The following ARHGEF38 variants were observed in gnomAD, a reference collection of about 807,000 sequenced individuals.
ARHGEF38 encodes the protein Rho guanine nucleotide exchange factor 38, also known as Rho guanine nucleotide exchange factor (GEF) 38.
A neutral mutation model predicts 79.9 loss-of-function variants in ARHGEF38; 79 were observed. The ratio of observed to expected loss-of-function variants is 0.99; its 90% CI spans 0.82 to 1.19. The LOEUF is 1.19. Ranked by LOEUF, ARHGEF38 falls within the 50% of genes most tolerant of loss-of-function variation. The probability of loss-of-function intolerance (pLI) is 0.00; values close to 1 mark genes in which losing one functional copy is unlikely to be tolerated. For missense variants in ARHGEF38, 962 were observed against 907.2 expected, an observed-to-expected ratio of 1.06 and a Z score of -0.78; for synonymous variants, 366 against 328.3, an observed-to-expected ratio of 1.11 and a Z score of -1.24.
Position 105,648,682 on chromosome 4 carries a change from G to C in ARHGEF38, c.1008G>C (p.Gln336His), listed in dbSNP as rs1267871500. Reference sequence around the variant, plus strand: ...AGATTCTGACCAGAGGAGAATCACAGGTAATTTTTCTTCTTGGACCACCCA... The same window carrying C: ...AGATTCTGACCAGAGGAGAATCACACGTAATTTTTCTTCTTGGACCACCCA... ...HLKILTRGES[Q>H]VKDNTFNREE... is the part of the protein sequence containing the mutation. Residue 336 changes from glutamine (Q) to histidine (H), a missense_variant and splice_region_variant, in exon 7 of 14, where the codon CAG (glutamine) becomes CAC (histidine). Coordinates refer to ENST00000420470, the MANE Select transcript of ARHGEF38 (RefSeq NM_001242729.2). The C allele has an allele frequency of 6.6e-7, 1 of 1,506,628 alleles. No homozygotes were observed. Among genetic ancestry groups the C allele is most frequent in the African/African-American group, 1.4e-5 (1 of 71,334 alleles). The allele number at this position is 1,506,628 out of a possible 1,614,324, so 93.3% of individuals were successfully genotyped here. A position where few individuals can be genotyped will look rare whatever the true frequency, so the allele number is the denominator to read the frequency against.
chr4:105,657,908 G>A (rs572178810), intron 9 of ARHGEF38, among the ~76,000 whole-genome samples: 71 of 152,170 alleles, frequency 4.7e-4, no homozygotes, highest in Non-Finnish European at 9.0e-4. Context: ...GATAGCTTTC[G>A]GGTTACAAAA....
chr4:105,619,017 T>C (rs1728628795), intron 3 of ARHGEF38, among the ~76,000 whole-genome samples: 1 of 152,200 alleles, frequency 6.6e-6, no homozygotes, highest in Admixed American at 6.5e-5. Context: ...AACTATGATT[T>C]ACAGAGAAAA....
rs144719220 is a variant in ARHGEF38, at chr4:105,627,649, G to A, written c.509-3249G>A. On this transcript the variant is annotated intron_variant, in intron 3 of 13. Transcript: ENST00000420470. The stretch of plus-strand genomic sequence containing the variant: ...GCACACTAGTTTTATTTATTTTACA[G>A]GATTCTGGTGCCTTTGTGACAGGCA... 3.3e-3 allele frequency among the ~76,000 whole-genome samples: 509 copies of A among 152,240 alleles called. 5 individuals carry two copies. Among genetic ancestry groups the A allele is most frequent in the Middle Eastern group, 0.014 (4 of 294 alleles).
intron 3 of ARHGEF38, among the ~76,000 whole-genome samples, chr4:105,619,775 C>T (rs1402944233): frequency 6.6e-6 from 1 of 152,138 alleles, no homozygotes; most frequent in Non-Finnish European, 1.5e-5. Context: ...CTGAGCCAAA[C>T]GTTGTAGACA....
chr4:105,610,311 T>G (rs750064315), intron 2 of ARHGEF38, among the ~76,000 whole-genome samples: 1 of 152,090 alleles, frequency 6.6e-6, no homozygotes, highest in Non-Finnish European at 1.5e-5. Flanking sequence ...GTTATGCACA[T>G]GTATCCCATT....
chr4:105,634,369 A>T (rs1479584492), intron 4 of ARHGEF38, among the ~76,000 whole-genome samples: 1 of 152,198 alleles, frequency 6.6e-6, no homozygotes, highest in African/African-American at 2.4e-5. Flanking sequence ...TATAGCCTAC[A>T]AATTGGAAAT....
chr4:105,647,644 T>C (rs1250864845), intron 6 of ARHGEF38, among the ~76,000 whole-genome samples: 1 of 152,164 alleles, frequency 6.6e-6, no homozygotes, highest in Non-Finnish European at 1.5e-5. Context: ...TCTACAAAAA[T>C]GTGTTGGTTT....
chr4:105,646,735 T>C (rs1158528820), intron 6 of ARHGEF38, among the ~76,000 whole-genome samples: 2 of 152,002 alleles, frequency 1.3e-5, no homozygotes, highest in African/African-American at 4.8e-5. Context: ...GTGGATAAAC[T>C]GCATATTATA....
intron 2 of ARHGEF38, among the ~76,000 whole-genome samples, chr4:105,592,097 T>C (rs1380032758): frequency 1.3e-5 from 2 of 152,326 alleles, no homozygotes; most frequent in Middle Eastern, 3.4e-3. Context: ...CCCTGTCAAC[T>C]CTTATTCTTT....
Position 105,641,725 on chromosome 4 carries a change from A to ATT in ARHGEF38, c.675-3455_675-3454dup, listed in dbSNP as rs70941205. On this transcript the variant is annotated intron_variant, in intron 5 of 13. Coordinates refer to ENST00000420470, the MANE Select transcript of ARHGEF38 (RefSeq NM_001242729.2). ...AGATGCGCTGCATGTTGAATATCTA[A>ATT]TTTTTTTTTGTTTTCCAGCATAATG... is the stretch of plus-strand genomic sequence containing the variant. Among the ~76,000 whole-genome samples the ATT allele has an allele frequency of 2.6e-4, 40 of 151,082 alleles. No individual in the cohort carries two copies. In the East Asian group the frequency reaches 5.6e-3, roughly 21 times the overall value.
chr4:105,560,840 T>A (rs1725483109), intron 1 of ARHGEF38, among the ~76,000 whole-genome samples: 1 of 152,170 alleles, frequency 6.6e-6, no homozygotes, highest in Non-Finnish European at 1.5e-5. Flanking sequence ...CTTCTTAATG[T>A]TAGGTCTCCA....
rs1247626005 is a variant in ARHGEF38 at position 105,589,501 on chromosome 4, AT to A, written c.384+68del. 10 of 1,402,928 alleles carry A rather than the reference AT, an allele frequency of 7.1e-6. No individual in the cohort carries two copies. The East Asian group carries it at 2.4e-4, about 33-fold the overall frequency. The allele number at this position is 1,402,928 out of a possible 1,614,324, so 86.9% of individuals were successfully genotyped here. A position where few individuals can be genotyped will look rare whatever the true frequency, so the allele number is the denominator to read the frequency against. On this transcript the variant is annotated intron_variant, in intron 2 of 13. Transcript: ENST00000420470. ...TAAATAGGATCACTAGCACCATGAA[AT>A]TGAAGCACTCAGGTGTATCAATGGG... is the stretch of plus-strand genomic sequence containing the variant.
At chr4:105,575,687 C>A (rs934875210) in intron 1 of ARHGEF38, among the ~76,000 whole-genome samples, 6 of 151,624 alleles carry the variant, frequency 4.0e-5, no homozygotes, top group Non-Finnish European at 8.8e-5. Flanking sequence ...GCTTTTTTTC[C>A]ATTTGCTTTT....
At chr4:105,581,856 A>T (rs1726805839) in intron 1 of ARHGEF38, among the ~76,000 whole-genome samples, 1 of 152,040 alleles carries the variant, frequency 6.6e-6, no homozygotes, top group African/African-American at 2.4e-5. Context: ...TGTGTGTTTT[A>T]GGATTTCTTA....
Position 105,654,078 on chromosome 4 carries a change from C to T in ARHGEF38, c.1022C>T (p.Thr341Ile). The T allele has an allele frequency of 6.7e-7, 1 of 1,495,226 alleles. No individual in the cohort carries two copies. The highest frequency in any genetic ancestry group is 8.9e-7 in the Non-Finnish European group (1 of 1,118,240). 92.6% of individuals were successfully genotyped at this position (1,495,226 alleles called of 1,614,324 possible). A position where few individuals can be genotyped will look rare whatever the true frequency, so the allele number is the denominator to read the frequency against. ...TRGESQVKDN[T>I]FNREEKLFRA... The stretch of plus-strand genomic sequence containing the variant: ...TATATATTTTAGGTTAAAGACAATA[C>T]CTTTAACAGAGAAGAAAAGCTGTTT... The change falls in exon 8 of 14, where the codon ACC becomes ATC. Residue 341 changes from threonine to isoleucine, a missense_variant. By Grantham distance (89) the Thr-to-Ile change is moderately conservative (BLOSUM62 -1). Coordinates refer to ENST00000420470, the MANE Select transcript of ARHGEF38 (RefSeq NM_001242729.2).
chr4:105,676,074 TA>T (rs1465292375), intron 13 of ARHGEF38, among the ~76,000 whole-genome samples: 6 of 152,230 alleles, frequency 3.9e-5, no homozygotes, highest in African/African-American at 1.4e-4. Flanking sequence ...CACCAAAAGT[TA>T]AATAACAGTT....
intron 3 of ARHGEF38, among the ~76,000 whole-genome samples, chr4:105,627,670 A>G (rs1729003548): frequency 6.6e-6 from 1 of 152,216 alleles, no homozygotes; most frequent in African/African-American, 2.4e-5. Context: ...CCTTTGTGAC[A>G]GGCAACCACA....
chr4:105,606,921 T>C (rs879474471), intron 2 of ARHGEF38, among the ~76,000 whole-genome samples: 3 of 152,162 alleles, frequency 2.0e-5, no homozygotes, highest in Admixed American at 2.0e-4. Context: ...CTTTCTTTTG[T>C]CTACTCATCC....
At chr4:105,633,682 CA>C (rs1379797237) in intron 4 of ARHGEF38, among the ~76,000 whole-genome samples, 1 of 152,116 alleles carries the variant, frequency 6.6e-6, no homozygotes, top group African/African-American at 2.4e-5. Flanking sequence ...ACCAAAATTA[CA>C]GTATGTTTAT....
Sources: gnomAD v4.1 joint callset for allele counts (sites outside exome capture counted in the v4.1 genomes callset) on GRCh38, gnomAD v4.1.1 for gene constraint, MANE v1.5 for transcripts, NCBI Gene and HGNC (gene_info 2026-07-23, HGNC 2026-07-21) for gene names.